PPFIBP1: variants seen among roughly 807,000 people sequenced by gnomAD.
PPFIBP1 encodes the protein PPFIB scaffold protein 1, also known as liprin-beta-1.
In PPFIBP1, 112 loss-of-function variants were observed where a neutral mutation model predicts 137.8. The ratio of observed to expected loss-of-function variants is 0.81; its 90% CI spans 0.70 to 0.95. PPFIBP1 has a LOEUF of 0.95. Ranked by LOEUF, PPFIBP1 falls within the 40% of genes least tolerant of loss-of-function variation. The pLI, the probability that PPFIBP1 is intolerant of heterozygous loss-of-function variation, is 0.00. For missense variants in PPFIBP1, 1,083 were observed against 1,196.6 expected, an observed-to-expected ratio of 0.91 and a Z score of 1.40; for synonymous variants, 378 against 417.3, an observed-to-expected ratio of 0.91 and a Z score of 1.15.
chr12:27,692,544 T>A, intron 28 of PPFIBP1, 47 bp from the exon 29 acceptor site: 1 of 1,581,152 alleles, frequency 6.3e-7, no homozygotes, highest in Non-Finnish European at 8.7e-7. Flanking sequence ...GCACTTTCCC[T>A]GAAATTGTGA....
intron 1 of PPFIBP1, among the ~76,000 whole-genome samples, chr12:27,573,143 C>T (rs2050276825): frequency 6.6e-6 from 1 of 152,174 alleles, no homozygotes; most frequent in Admixed American, 6.5e-5. Flanking sequence ...TCTTCATCTA[C>T]AATTTGAAAA....
Position 27,682,429 on chromosome 12 carries a change from C to T in PPFIBP1, c.2089C>T (p.Leu697=). The change falls in exon 23 of 30, where the codon CTA becomes TTA. Residue 697 remains leucine (L), a synonymous_variant. Coordinates refer to ENST00000228425, the MANE Select transcript of PPFIBP1 (RefSeq NM_003622.4). The part of the protein sequence containing the change: ...KHSLHRKKLQ[L]ALQALGSEEE... ...TTCACTTCATCGAAAGAAACTCCAG[C>T]TAGCACTCCAAGCCCTGGGATCTGA... The T allele has an allele frequency of 1.9e-6, 3 of 1,613,966 alleles. No homozygotes were observed. In the East Asian group the frequency reaches 6.7e-5, roughly 36 times the overall value.
At chr12:27,568,977 CA>C (rs1272998913) in intron 1 of PPFIBP1, among the ~76,000 whole-genome samples, 4 of 152,124 alleles carry the variant, frequency 2.6e-5, no homozygotes, top group Non-Finnish European at 5.9e-5. Context: ...GGTCAGAAAC[CA>C]GAGTCATAGA....
intron 2 of PPFIBP1, among the ~76,000 whole-genome samples, chr12:27,628,687 C>T (rs2057032900): frequency 6.6e-6 from 1 of 152,142 alleles, no homozygotes; most frequent in Non-Finnish European, 1.5e-5. Context: ...TGCAGAGGTC[C>T]ATGCATGTCC....
At chr12:27,578,513 G>C (rs1349384890) in intron 2 of PPFIBP1, among the ~76,000 whole-genome samples, 1 of 152,084 alleles carries the variant, frequency 6.6e-6, no homozygotes, top group South Asian at 2.1e-4. Context: ...CACAGACTTG[G>C]TAGAACATAA....
At chr12:27,690,497 G>T (rs2061467675) in intron 27 of PPFIBP1, among the ~76,000 whole-genome samples, 1 of 152,192 alleles carries the variant, frequency 6.6e-6, no homozygotes, top group Non-Finnish European at 1.5e-5. Context: ...AGTGCATTGG[G>T]AGGCCAAGGC....
chr12:27,686,357 T>G (rs1351775967), intron 24 of PPFIBP1, among the ~76,000 whole-genome samples: 1 of 152,226 alleles, frequency 6.6e-6, no homozygotes, highest in African/African-American at 2.4e-5. Flanking sequence ...AGACTGTTGC[T>G]TATCTTCATA....
intron 1 of PPFIBP1, among the ~76,000 whole-genome samples, chr12:27,541,164 C>T (rs183812365): frequency 8.5e-4 from 129 of 152,038 alleles, no homozygotes; most frequent in African/African-American, 2.9e-3. Flanking sequence ...TAGGGTATCA[C>T]AGGGTTTCCT....
At chr12:27,572,275 GA>G (rs2050212574) in intron 1 of PPFIBP1, among the ~76,000 whole-genome samples, 1 of 152,138 alleles carries the variant, frequency 6.6e-6, no homozygotes, top group African/African-American at 2.4e-5. Flanking sequence ...CCAGGAAGCT[GA>G]ACCATGTTCT....
At chr12:27,644,910 G>A (rs975518393) in intron 4 of PPFIBP1, among the ~76,000 whole-genome samples, 3 of 119,916 alleles carry the variant, frequency 2.5e-5, no homozygotes, top group African/African-American at 9.5e-5. Flanking sequence ...TTTCATTCAA[G>A]CCCTGTTTTT....
chr12:27,541,255 G>C (rs1450960366), intron 1 of PPFIBP1, among the ~76,000 whole-genome samples: 2 of 149,114 alleles, frequency 1.3e-5, no homozygotes, highest in Non-Finnish European at 3.0e-5. Context: ...GTGTGTGTGA[G>C]AGAGAGAGAA....
Position 27,682,511 on chromosome 12 carries a change from T to C in PPFIBP1, c.2158+13T>C, listed in dbSNP as rs1224900208. 1 of 1,607,292 alleles carries C rather than the reference T, an allele frequency of 6.2e-7. No individual in the cohort carries two copies. The highest frequency in any genetic ancestry group is 1.1e-5 in the South Asian group (1 of 90,418). ...AACTGGGTCACTAGTAAGAAGTTTT[T>C]ATTCTAACAAAATGAAATAATTATA... On this transcript the variant is annotated intron_variant, in intron 23 of 29. Coordinates refer to ENST00000228425, the MANE Select transcript of PPFIBP1 (RefSeq NM_003622.4).
At chr12:27,646,297 G>A in intron 5 of PPFIBP1, 149 bp downstream of exon 5, 1 of 690,894 alleles carries the variant, frequency 1.4e-6, no homozygotes. Context: ...GAGTGGTGAG[G>A]ATTGGGGCAG....
At chr12:27,683,255 G>A (rs1165646522) in intron 24 of PPFIBP1, among the ~76,000 whole-genome samples, 4 of 152,060 alleles carry the variant, frequency 2.6e-5, no homozygotes, top group East Asian at 3.9e-4. Flanking sequence ...TAGTAGAGAC[G>A]GAGTTTCGCC....
At chr12:27,681,265 G>A (rs1287107756) in intron 21 of PPFIBP1, among the ~76,000 whole-genome samples, 1 of 152,212 alleles carries the variant, frequency 6.6e-6, no homozygotes, top group Non-Finnish European at 1.5e-5. Flanking sequence ...AACTGATACA[G>A]TGACTTGTGT....
intron 2 of PPFIBP1, among the ~76,000 whole-genome samples, chr12:27,605,436 A>G (rs2054430219): frequency 6.6e-6 from 1 of 152,172 alleles, no homozygotes; most frequent in South Asian, 2.1e-4. Context: ...AATCCACATC[A>G]GCACTGTCCA....
chr12:27,533,747 T>C (rs1944655905), intron 1 of PPFIBP1, among the ~76,000 whole-genome samples: 1 of 152,096 alleles, frequency 6.6e-6, no homozygotes, highest in African/African-American at 2.4e-5. Flanking sequence ...CAAGAGTATG[T>C]AGAGTAAAAA....
At chr12:27,572,857 C>T (rs767629540) in intron 1 of PPFIBP1, among the ~76,000 whole-genome samples, 2 of 152,200 alleles carry the variant, frequency 1.3e-5, no homozygotes, top group Non-Finnish European at 2.9e-5. Context: ...TTCTTCATCT[C>T]TTTAATGTCT....
chr12:27,544,518 C>A (rs1946017178), intron 1 of PPFIBP1, among the ~76,000 whole-genome samples: 3 of 151,880 alleles, frequency 2.0e-5, no homozygotes, highest in South Asian at 4.2e-4. Context: ...TATCTAGAAT[C>A]TACAAAGAAC....
Sources: allele counts gnomAD v4.1 joint callset (sites outside exome capture counted in the v4.1 genomes callset), GRCh38; gene constraint gnomAD v4.1.1; transcripts MANE v1.5; gene names NCBI Gene and HGNC (gene_info 2026-07-23, HGNC 2026-07-21).